N4BP2L2: variants seen among roughly 807,000 people sequenced by gnomAD.
The protein encoded by N4BP2L2 is NEDD4-binding protein 2-like 2.
A neutral mutation model predicts 56.2 loss-of-function variants in N4BP2L2; 50 were observed. That is an observed-to-expected ratio of 0.89 (90% CI 0.71 to 1.13). The LOEUF is 1.13. Ranked by LOEUF, N4BP2L2 falls within the 50% of genes most tolerant of loss-of-function variation. The pLI is 0.00. For missense variants in N4BP2L2, 689 were observed against 693.8 expected (o/e 0.99, Z 0.08); for synonymous variants, 203 against 223.6 (o/e 0.91, Z 0.82).
rs116364833 is a variant in N4BP2L2, at chr13:32,470,455, C to T, written c.366-26329G>A. Reference sequence around the variant, plus strand: ...AGACATAAGCCCTATGGGTAGTTGACCAGGGGTGCTCATTTAAGCTGGATG... The same window carrying T: ...AGACATAAGCCCTATGGGTAGTTGATCAGGGGTGCTCATTTAAGCTGGATG... On this transcript the variant is annotated intron_variant, in intron 6 of 9. Transcript: ENST00000357505. Among the ~76,000 whole-genome samples the T allele has an allele frequency of 7.1e-3, 1,086 of 152,260 alleles. 13 individuals carry two copies. The highest frequency in any genetic ancestry group is 0.025 in the African/African-American group (1,048 of 41,554).
chr13:32,489,888 T>C (rs2086685512), intron 6 of N4BP2L2, among the ~76,000 whole-genome samples: 1 of 152,230 alleles, frequency 6.6e-6, no homozygotes, highest in African/African-American at 2.4e-5. Context: ...TATAATTTTA[T>C]GTTATCATAT....
chr13:32,498,205 C>G (rs1338996374), intron 6 of N4BP2L2, among the ~76,000 whole-genome samples: 1 of 152,140 alleles, frequency 6.6e-6, no homozygotes, highest in Non-Finnish European at 1.5e-5. Context: ...AAGCTAGTCT[C>G]AAACTCCTGG....
intron 9 of N4BP2L2, among the ~76,000 whole-genome samples, chr13:32,433,277 T>G (rs894638081): frequency 1.3e-5 from 2 of 152,256 alleles, no homozygotes; most frequent in African/African-American, 4.8e-5. Flanking sequence ...ACATGTTTAC[T>G]GGGCCAATAT....
intron 6 of N4BP2L2, among the ~76,000 whole-genome samples, chr13:32,488,759 T>C (rs1044072612): frequency 5.3e-5 from 8 of 152,148 alleles, no homozygotes; most frequent in Admixed American, 2.6e-4. Flanking sequence ...GCTACTTTTG[T>C]AATAGAAAAA....
intron 6 of N4BP2L2, among the ~76,000 whole-genome samples, chr13:32,495,174 G>A (rs1467788498): frequency 1.3e-5 from 2 of 152,154 alleles, no homozygotes; most frequent in African/African-American, 4.8e-5. Flanking sequence ...ATGAGTCTCA[G>A]ACTTCAAAGG....
At chr13:32,526,816 C>CTTTTTTTTTTTTT (rs2052975801) in intron 3 of N4BP2L2, 1 of 7,550 alleles carries the variant, frequency 1.3e-4, no homozygotes, top group African/African-American at 3.9e-4. Flanking sequence ...CACTTTTTGT[C>CTTTTTTTTTTTTT]TGTTTTTTTT....
At chr13:32,508,969 T>A (rs2091372260), downstream of N4BP2L2, 2 of 152,176 alleles carry the variant, frequency 1.3e-5, no homozygotes, top group Non-Finnish European at 1.5e-5. Flanking sequence ...AGCCTCAACT[T>A]TGCTCTACTA....
At chr13:32,433,315 A>G (rs968719598) in intron 9 of N4BP2L2, among the ~76,000 whole-genome samples, 16 of 152,218 alleles carry the variant, frequency 1.1e-4, no homozygotes, top group Admixed American at 5.9e-4. Flanking sequence ...CACAATTTCT[A>G]TTTTGCCAGA....
chr13:32,463,409 A>G (rs1235446538), intron 6 of N4BP2L2, among the ~76,000 whole-genome samples: 1 of 152,142 alleles, frequency 6.6e-6, no homozygotes. Context: ...CACGGCTATA[A>G]TCCCAGCACT....
intron 7 of N4BP2L2, among the ~76,000 whole-genome samples, chr13:32,440,093 A>C (rs1369692662): frequency 6.6e-6 from 1 of 152,134 alleles, no homozygotes; most frequent in East Asian, 1.9e-4. Context: ...TTATTCACAA[A>C]GTTTACAAAT....
At chr13:32,460,197 C>T (rs2079778118) in intron 6 of N4BP2L2, among the ~76,000 whole-genome samples, 1 of 152,162 alleles carries the variant, frequency 6.6e-6, no homozygotes, top group Non-Finnish European at 1.5e-5. Flanking sequence ...TAAGTAACAT[C>T]ATACTGAATG....
chr13:32,486,437 A>G (rs1242272119), intron 6 of N4BP2L2, among the ~76,000 whole-genome samples: 1 of 152,132 alleles, frequency 6.6e-6, no homozygotes, highest in African/African-American at 2.4e-5. Flanking sequence ...GCACTTTAGG[A>G]GGGTGAGGCG....
chr13:32,433,326 G>A (rs1312295674), intron 9 of N4BP2L2, among the ~76,000 whole-genome samples: 3 of 152,212 alleles, frequency 2.0e-5, no homozygotes, highest in Non-Finnish European at 2.9e-5. Flanking sequence ...TTTTGCCAGA[G>A]AGCATTTCAA....
chr13:32,537,238 C>A (rs983589721), intron 1 of N4BP2L2, among the ~76,000 whole-genome samples: 5 of 151,468 alleles, frequency 3.3e-5, no homozygotes, highest in Non-Finnish European at 5.9e-5. Context: ...CGTTGAATAT[C>A]CTTTTTGAAA....
exon 10 of N4BP2L2, chr13:32,432,593 T>C (rs549215975): frequency 4.6e-5 from 7 of 152,314 alleles, no homozygotes; most frequent in African/African-American, 1.7e-4. Context: ...AAATAACTAT[T>C]GATTTTCAGA....
chr13:32,535,528 A>C (rs566408798), intron 2 of N4BP2L2, among the ~76,000 whole-genome samples: 2 of 152,298 alleles, frequency 1.3e-5, no homozygotes, highest in Non-Finnish European at 2.9e-5. Context: ...AGAAACATAA[A>C]AGCACTTGTC....
intron 6 of N4BP2L2, chr13:32,477,954 G>C: frequency 7.8e-7 from 1 of 1,289,312 alleles, no homozygotes; most frequent in Non-Finnish European, 1.0e-6. Context: ...TGCTGCTCTT[G>C]GTCATGTCCT....
At chr13:32,533,494 T>C (rs1434778451) in intron 2 of N4BP2L2, among the ~76,000 whole-genome samples, 2 of 150,572 alleles carry the variant, frequency 1.3e-5, no homozygotes, top group African/African-American at 2.4e-5. Context: ...CATTACCACA[T>C]ACCAAACATA....
chr13:32,501,153 C>T (rs1566134143), intron 6 of N4BP2L2, among the ~76,000 whole-genome samples: 1 of 152,154 alleles, frequency 6.6e-6, no homozygotes, highest in Non-Finnish European at 1.5e-5. Flanking sequence ...CAGGTGTGAG[C>T]CACTGCACCT....
Sources: gnomAD v4.1 joint callset for allele counts (sites outside exome capture counted in the v4.1 genomes callset) on GRCh38, gnomAD v4.1.1 for gene constraint, MANE v1.5 for transcripts, NCBI Gene and HGNC (gene_info 2026-07-23, HGNC 2026-07-21) for gene names.